Variants in RBFOX1 observed in about 807,000 individuals in gnomAD.
RBFOX1 encodes RNA binding fox-1 homolog 1, also known as RNA binding protein fox-1 homolog 1.
RBFOX1 carries 8 observed loss-of-function variants against 57.7 expected under a neutral mutation model. The observed-to-expected ratio is 0.14, with a 90% CI of 0.08 to 0.25. The LOEUF (loss-of-function observed/expected upper bound fraction) is 0.25, where lower values mean the gene tolerates loss of function less well. Among genes scored for constraint, RBFOX1 ranks in the 10% least tolerant of loss-of-function variants. The pLI is 1.00. For missense variants in RBFOX1, 611 were observed against 548.5 expected, an observed-to-expected ratio of 1.11 and a Z score of -1.14; for synonymous variants, 326 against 222.4, an observed-to-expected ratio of 1.47 and a Z score of -4.15.
intron 3 of RBFOX1, among the ~76,000 whole-genome samples, chr16:6,998,712 G>T (rs988104037): frequency 6.6e-6 from 1 of 152,044 alleles, no homozygotes; most frequent in Non-Finnish European, 1.5e-5. Flanking sequence ...GATGGCTACA[G>T]GTTGTCTTGT....
chr16:6,541,050 A>G (rs1391507500), intron 2 of RBFOX1, among the ~76,000 whole-genome samples: 1 of 152,186 alleles, frequency 6.6e-6, no homozygotes, highest in Non-Finnish European at 1.5e-5. Flanking sequence ...ATCCTAGGAT[A>G]ATGCTACTTT....
intron 4 of RBFOX1, among the ~76,000 whole-genome samples, chr16:7,187,422 G>C (rs894603111): frequency 6.6e-6 from 1 of 151,906 alleles, no homozygotes; most frequent in South Asian, 2.1e-4. Flanking sequence ...AGGCACGGTG[G>C]CTCACGCCTG....
At chr16:7,306,561 A>G (rs2096191716) in intron 4 of RBFOX1, among the ~76,000 whole-genome samples, 1 of 138,694 alleles carries the variant, frequency 7.2e-6, no homozygotes, top group Non-Finnish European at 1.5e-5. Flanking sequence ...ATACTATGAC[A>G]TAATGTGGGA....
chr16:7,520,351 A>G (rs1015684273), intron 5 of RBFOX1, among the ~76,000 whole-genome samples: 4 of 152,114 alleles, frequency 2.6e-5, no homozygotes, highest in Non-Finnish European at 5.9e-5. Flanking sequence ...GTGCAAAACC[A>G]CCACCATTAT....
intron 3 of RBFOX1, among the ~76,000 whole-genome samples, chr16:6,818,058 T>G (rs1174778305): frequency 1.3e-5 from 2 of 152,182 alleles, no homozygotes; most frequent in Non-Finnish European, 2.9e-5. Context: ...CACATGGGCA[T>G]AAAACTATCT....
At chr16:6,485,281 G>T (rs1370330198) in intron 2 of RBFOX1, among the ~76,000 whole-genome samples, 1 of 152,182 alleles carries the variant, frequency 6.6e-6, no homozygotes, top group African/African-American at 2.4e-5. Flanking sequence ...AGGTTATGAA[G>T]AGGGAATTGT....
intron 3 of RBFOX1, among the ~76,000 whole-genome samples, chr16:5,748,208 G>C (rs9674299): frequency 0.015 from 2,215 of 152,088 alleles, 53 homozygotes; most frequent in African/African-American, 0.049. Context: ...TTAATCCTGA[G>C]TTCTAGTTTG....
chr16:6,029,752 G>A (rs1361747162), intron 1 of RBFOX1, among the ~76,000 whole-genome samples: 12 of 116,788 alleles, frequency 1.0e-4, no homozygotes, highest in Non-Finnish European at 1.8e-4. Flanking sequence ...CAGCCTGGGC[G>A]ACAGATCGAG....
chr16:6,261,617 T>G (rs2097701904), intron 1 of RBFOX1, among the ~76,000 whole-genome samples: 2 of 151,500 alleles, frequency 1.3e-5, no homozygotes, highest in African/African-American at 4.8e-5. Context: ...AATGTCCACA[T>G]TATGGTGTTT....
In RBFOX1 at chr16:7,184,304, G is replaced by T. The variant is rs530068314; in HGVS notation, c.27+132206G>T. Among the ~76,000 whole-genome samples the T allele has an allele frequency of 3.3e-5, 5 of 152,314 alleles. No individual in the cohort carries two copies. In the East Asian group the frequency reaches 9.7e-4, roughly 29 times the overall value. On this transcript the variant is annotated intron_variant, in intron 4 of 15. Coordinates refer to ENST00000550418, the MANE Select transcript of RBFOX1 (RefSeq NM_018723.4). The stretch of plus-strand genomic sequence containing the variant: ...GGAAGCTGTGGAATGACCTTAGAGG[G>T]AAGACATCATCCAAATGACAGTGTA...
intron 3 of RBFOX1, among the ~76,000 whole-genome samples, chr16:7,001,915 TAGA>T (rs1380610185): frequency 2.0e-5 from 3 of 152,198 alleles, no homozygotes; most frequent in Non-Finnish European, 2.9e-5. Context: ...GTCCCCAAAA[TAGA>T]AGATCAGTTC....
At chr16:5,757,332 A>C (rs2053435144) in intron 3 of RBFOX1, among the ~76,000 whole-genome samples, 2 of 151,502 alleles carry the variant, frequency 1.3e-5, no homozygotes, top group Admixed American at 6.6e-5. Flanking sequence ...CCTGGGTTCA[A>C]GTGATTCTCC....
intron 2 of RBFOX1, among the ~76,000 whole-genome samples, chr16:6,576,488 C>CTGT (rs1225310157): frequency 6.6e-6 from 1 of 152,166 alleles, no homozygotes; most frequent in Admixed American, 6.5e-5. Flanking sequence ...GTACTCTGAA[C>CTGT]TGTTCATTCT....
intron 3 of RBFOX1, among the ~76,000 whole-genome samples, chr16:5,758,883 C>G (rs1396477879): frequency 6.6e-6 from 1 of 152,140 alleles, no homozygotes; most frequent in Non-Finnish European, 1.5e-5. Context: ...GGCTGACCCT[C>G]CATGCAACAT....
intron 4 of RBFOX1, among the ~76,000 whole-genome samples, chr16:5,894,797 G>A (rs1032715943): frequency 2.6e-5 from 4 of 152,054 alleles, no homozygotes; most frequent in East Asian, 1.9e-4. Context: ...CGAGGCAGGC[G>A]GATCACGAGG....
chr16:5,913,534 C>T (rs779961103), intron 4 of RBFOX1, among the ~76,000 whole-genome samples: 22 of 152,240 alleles, frequency 1.4e-4, no homozygotes, highest in Admixed American at 3.3e-4. Flanking sequence ...CTTTGCTTTC[C>T]GCTGTGATTG....
chr16:6,994,863 G>A (rs1275592580), intron 3 of RBFOX1, among the ~76,000 whole-genome samples: 2 of 152,064 alleles, frequency 1.3e-5, no homozygotes, highest in East Asian at 1.9e-4. Context: ...AAGGTGAGAT[G>A]TTATCAAAAC....
intron 2 of RBFOX1, among the ~76,000 whole-genome samples, chr16:6,499,374 T>C (rs998497289): frequency 6.6e-6 from 1 of 151,660 alleles, no homozygotes; most frequent in African/African-American, 2.4e-5. Context: ...AACAGCCATG[T>C]GTAAAAAAAA....
intron 1 of RBFOX1, among the ~76,000 whole-genome samples, chr16:6,122,582 C>T (rs1455617073): frequency 6.6e-6 from 1 of 152,168 alleles, no homozygotes; most frequent in Non-Finnish European, 1.5e-5. Flanking sequence ...TTATATTGTG[C>T]TGACTAGGCC....
Sources: allele counts gnomAD v4.1 joint callset (sites outside exome capture counted in the v4.1 genomes callset), GRCh38; gene constraint gnomAD v4.1.1; transcripts MANE v1.5; gene names NCBI Gene and HGNC (gene_info 2026-07-23, HGNC 2026-07-21).